The following ZC3H14 variants were observed in gnomAD, a reference collection of about 807,000 sequenced individuals.
ZC3H14 encodes the protein zinc finger CCCH-type containing 14.
Under a neutral mutation model 92.4 loss-of-function variants are expected in ZC3H14, and 31 were observed. The ratio of observed to expected loss-of-function variants is 0.34; its 90% CI spans 0.25 to 0.45. The LOEUF (loss-of-function observed/expected upper bound fraction) is 0.45, where lower values mean the gene tolerates loss of function less well. Ranked by LOEUF, ZC3H14 falls within the 20% of genes least tolerant of loss-of-function variation. ZC3H14 has a pLI of 1.00. For missense variants in ZC3H14, 781 were observed against 897.3 expected, an observed-to-expected ratio of 0.87 and a Z score of 1.66; for synonymous variants, 321 against 300.9, an observed-to-expected ratio of 1.07 and a Z score of -0.69.
At chr14:88,603,742 T>C (rs749306582) in intron 12 of ZC3H14, among the ~76,000 whole-genome samples, 8 of 152,228 alleles carry the variant, frequency 5.3e-5, no homozygotes, top group Non-Finnish European at 1.0e-4. Flanking sequence ...GCAGGAGGGA[T>C]AATTACTCAA....
At chr14:88,588,256 CT>C (rs1257070602) in intron 9 of ZC3H14, among the ~76,000 whole-genome samples, 1 of 152,198 alleles carries the variant, frequency 6.6e-6, no homozygotes, top group Non-Finnish European at 1.5e-5. Flanking sequence ...CCCTCCTCCC[CT>C]GAGTCGGCTC....
intron 1 of ZC3H14, 125 bp from the exon 2 acceptor site, chr14:88,563,526 T>C (rs2139411044): frequency 1.9e-6 from 3 of 1,574,872 alleles, no homozygotes; most frequent in Non-Finnish European, 2.6e-6. Context: ...GCGAGGCTCC[T>C]CCCAGCCCCC....
chr14:88,616,896 AAAG>A lies in ZC3H14; in HGVS notation c.*5148_*5150del, dbSNP rs892716897. 6.2e-7 allele frequency: 1 copy of A among 1,609,988 alleles called. No homozygotes were observed. Among genetic ancestry groups the A allele is most frequent in the Non-Finnish European group, 8.5e-7 (1 of 1,178,248 alleles). ...CCTAGAATACTAGAGGGAAGGAACA[AAAG>A]AAAACTCATCATGGCAAGTGCGGGC... On this transcript the variant is annotated 3_prime_UTR_variant, in exon 17 of 17. Transcript: ENST00000251038.
At position 88,617,200 on chromosome 14, in the gene ZC3H14, T is replaced by C. The variant is rs1595179175; in HGVS notation, c.*5449T>C. 1 of 178,050 alleles carries C rather than the reference T, an allele frequency of 5.6e-6. No individual in the cohort carries two copies. The highest frequency in any genetic ancestry group is 2.4e-5 in the African/African-American group (1 of 41,644). 11.0% of individuals were successfully genotyped at this position (178,050 alleles called of 1,614,324 possible). ...TTCGCTCTTGTTACCCAGGCTGGAG[T>C]GCAATGGCATGATCTCGGCTCACCG... On this transcript the variant is annotated 3_prime_UTR_variant, in exon 17 of 17. Transcript: ENST00000251038.
In ZC3H14 at chr14:88,599,464, GTTAC is replaced by G. The variant is rs565423743; in HGVS notation, c.1355-2454_1355-2451del. Among the ~76,000 whole-genome samples, 896 of 152,298 alleles carry G rather than the reference GTTAC, an allele frequency of 5.9e-3. 17 individuals are homozygous for G. Among genetic ancestry groups the G allele is most frequent in the African/African-American group, 0.021 (868 of 41,558 alleles). ...AGCCTGTGGTCTCTACTCAGAAGATGTTACTTACTCCCCCGTCTGTCTGGTCTCC... is the reference window on the plus strand; with the variant it reads ...AGCCTGTGGTCTCTACTCAGAAGATGTTACTCCCCCGTCTGTCTGGTCTCC... On this transcript the variant is annotated intron_variant, in intron 10 of 16. Coordinates refer to ENST00000251038, the MANE Select transcript of ZC3H14 (RefSeq NM_024824.5).
chr14:88,623,438 T>G lies in ZC3H14; in HGVS notation c.*11687T>G, dbSNP rs1221738852. 1 of 152,146 alleles carries G rather than the reference T, an allele frequency of 6.6e-6. No individual in the cohort carries two copies. Among genetic ancestry groups the G allele is most frequent in the African/African-American group, 2.4e-5 (1 of 41,426 alleles). The allele number at this position is 152,146 out of a possible 1,614,324, so 9.4% of individuals were successfully genotyped here. A position where few individuals can be genotyped will look rare whatever the true frequency, so the allele number is the denominator to read the frequency against. On this transcript the variant is annotated 3_prime_UTR_variant, in exon 17 of 17. Transcript: ENST00000251038. ...TACAGAGTTGATTTATTTATTTTTT[T>G]GAGACAGAGTGTCGCTCTGTCACCT...
rs191285373 is a variant in ZC3H14, at chr14:88,581,033, A to G, written c.1279+2893A>G. Reference sequence around the variant, plus strand: ...GTTATCTATATGCAGAAATTCAGAGACTCATTCCCATGAACTTTTCTTAGG... The same window carrying G: ...GTTATCTATATGCAGAAATTCAGAGGCTCATTCCCATGAACTTTTCTTAGG... On this transcript the variant is annotated intron_variant, in intron 9 of 16. Coordinates refer to ENST00000251038, the MANE Select transcript of ZC3H14 (RefSeq NM_024824.5). 1.8e-3 allele frequency among the ~76,000 whole-genome samples: 278 copies of G among 152,294 alleles called. 2 individuals are homozygous for G. Among genetic ancestry groups the G allele is most frequent in the Middle Eastern group, 0.014 (4 of 294 alleles).
At position 88,624,982 on chromosome 14, in the gene ZC3H14, C is replaced by G. The variant is rs879808823; in HGVS notation, c.*13231C>G. The G allele has an allele frequency of 6.2e-7, 1 of 1,613,310 alleles. No individual in the cohort carries two copies. Among genetic ancestry groups the G allele is most frequent in the Non-Finnish European group, 8.5e-7 (1 of 1,179,578 alleles). ...AAAGAGGACTCACGGCCTTTCCTTT[C>G]CCCCAGTCACGATAAGTCCATCTCG... On this transcript the variant is annotated 3_prime_UTR_variant, in exon 17 of 17. Coordinates refer to ENST00000251038, the MANE Select transcript of ZC3H14 (RefSeq NM_024824.5).
At chr14:88,572,283 A>G (rs1595527572) in intron 5 of ZC3H14, 58 bp downstream of exon 5, 4 of 1,566,412 alleles carry the variant, frequency 2.6e-6, no homozygotes, top group East Asian at 4.5e-5. Flanking sequence ...TGACATTTAT[A>G]TTAGTTTTTA....
chr14:88,581,646 A>T lies in ZC3H14; in HGVS notation c.1279+3506A>T, dbSNP rs144070884. ...GTCTGGGGCAGGAAATGTTAACATG[A>T]TCCTGGAATGGCTCAACATCCCAGA... On this transcript the variant is annotated intron_variant, in intron 9 of 16. Coordinates refer to ENST00000251038, the MANE Select transcript of ZC3H14 (RefSeq NM_024824.5). 2.0e-5 allele frequency among the ~76,000 whole-genome samples: 3 copies of T among 152,312 alleles called. No individual in the cohort carries two copies. In the East Asian group the frequency reaches 5.8e-4, roughly 29 times the overall value.
chr14:88,566,974 G>C (rs1284414495), intron 2 of ZC3H14, among the ~76,000 whole-genome samples: 1 of 151,532 alleles, frequency 6.6e-6, no homozygotes, highest in Non-Finnish European at 1.5e-5. Context: ...TCAGAGATTA[G>C]AGTTCCTGAT....
At chr14:88,592,452 A>G (rs191670126) in intron 9 of ZC3H14, 19 of 135,108 alleles carry the variant, frequency 1.4e-4, no homozygotes, top group East Asian at 6.6e-4. Context: ...TGTGACATCT[A>G]TTTGGGAAAC....
rs767998617 is a variant in ZC3H14 at position 88,622,657 on chromosome 14, T to C, written c.*10906T>C. 5 of 1,611,502 alleles carry C rather than the reference T, an allele frequency of 3.1e-6. No homozygotes were observed. In the African/African-American group the frequency reaches 4.0e-5, roughly 13 times the overall value. On this transcript the variant is annotated 3_prime_UTR_variant, in exon 17 of 17. Coordinates refer to ENST00000251038, the MANE Select transcript of ZC3H14 (RefSeq NM_024824.5). Reference sequence around the variant, plus strand: ...TCTGTGGCTTGTCCTGTCTCAAGCCTGAAGGCACGGCACCGCCTCAGTTCC... The same window carrying C: ...TCTGTGGCTTGTCCTGTCTCAAGCCCGAAGGCACGGCACCGCCTCAGTTCC...
Position 88,627,546 on chromosome 14 carries a change from T to C in ZC3H14, c.*15795T>C, listed in dbSNP as rs1418108865. The C allele has an allele frequency of 5.8e-5, 72 of 1,238,494 alleles. No homozygotes were observed. The highest frequency in any genetic ancestry group is 7.5e-5 in the Non-Finnish European group (68 of 908,212). 76.7% of individuals were successfully genotyped at this position (1,238,494 alleles called of 1,614,324 possible). ...TATTGCATAGGCCTCCACTGAATGATTGTTTCAACCACCAACTTTAAGACA... is the reference window on the plus strand; with the variant it reads ...TATTGCATAGGCCTCCACTGAATGACTGTTTCAACCACCAACTTTAAGACA... On this transcript the variant is annotated 3_prime_UTR_variant, in exon 17 of 17. Transcript: ENST00000251038.
chr14:88,573,068 A>G lies in ZC3H14; in HGVS notation c.861+61A>G, dbSNP rs867268382. ...AAATCGGCAGTTCTTGATACCAAATAATATATGAAGTAACTAAACACATAT... is the reference window on the plus strand; with the variant it reads ...AAATCGGCAGTTCTTGATACCAAATGATATATGAAGTAACTAAACACATAT... On this transcript the variant is annotated intron_variant, in intron 6 of 16. Transcript: ENST00000251038. 8 of 1,568,754 alleles carry G rather than the reference A, an allele frequency of 5.1e-6. No individual in the cohort carries two copies. In the African/African-American group the frequency reaches 8.1e-5, roughly 16 times the overall value.
chr14:88,622,232 G>C lies in ZC3H14; in HGVS notation c.*10481G>C, dbSNP rs1159030683. Reference sequence around the variant, plus strand: ...TTTCATTATTTTTTATGGCTGAGTAGTATTTCATTGTTTGTTTACTGCACG... The same window carrying C: ...TTTCATTATTTTTTATGGCTGAGTACTATTTCATTGTTTGTTTACTGCACG... On this transcript the variant is annotated 3_prime_UTR_variant, in exon 17 of 17. Coordinates refer to ENST00000251038, the MANE Select transcript of ZC3H14 (RefSeq NM_024824.5). The C allele has an allele frequency of 5.7e-6, 1 of 175,138 alleles. No homozygotes were observed. Among genetic ancestry groups the C allele is most frequent in the Non-Finnish European group, 1.2e-5 (1 of 82,032 alleles). The allele number at this position is 175,138 out of a possible 1,614,324, so 10.8% of individuals were successfully genotyped here.
chr14:88,588,263 G>A (rs572390162), intron 9 of ZC3H14, among the ~76,000 whole-genome samples: 52 of 152,198 alleles, frequency 3.4e-4, no homozygotes, highest in African/African-American at 1.2e-3. Flanking sequence ...CCCCTGAGTC[G>A]GCTCTGCAAT....
rs1355725732 is a variant in ZC3H14, at chr14:88,624,157, C to G, written c.*12406C>G. The G allele has an allele frequency of 6.6e-6, 1 of 152,210 alleles. No individual in the cohort carries two copies. The highest frequency in any genetic ancestry group is 2.4e-5 in the African/African-American group (1 of 41,416). The allele number at this position is 152,210 out of a possible 1,614,324, so 9.4% of individuals were successfully genotyped here. ...GTGGCACCATCACAGCTCACTAAAG[C>G]CTTGACCTCCCCAGGCTCAAGTGAT... On this transcript the variant is annotated 3_prime_UTR_variant, in exon 17 of 17. Coordinates refer to ENST00000251038, the MANE Select transcript of ZC3H14 (RefSeq NM_024824.5).
chr14:88,572,994 AAATG>A lies in ZC3H14; in HGVS notation c.850_853del (p.Met284ValfsTer15). ...CCGTTCTTTAGAAACAACTCGGAGAAAATGAGTATGGAGGTTTGTATGTACTTTT... is the reference window on the plus strand; with the variant it reads ...CCGTTCTTTAGAAACAACTCGGAGAAAGTATGGAGGTTTGTATGTACTTTT... On this transcript the variant is annotated frameshift_variant, in exon 6 of 17. Coordinates refer to ENST00000251038, the MANE Select transcript of ZC3H14 (RefSeq NM_024824.5). LOFTEE classifies it high-confidence loss of function. The A allele has an allele frequency of 1.2e-6, 2 of 1,614,048 alleles. No homozygotes were observed.
Sources: allele counts gnomAD v4.1 joint callset (sites outside exome capture counted in the v4.1 genomes callset), GRCh38; gene constraint gnomAD v4.1.1; transcripts MANE v1.5; gene names NCBI Gene and HGNC (gene_info 2026-07-23, HGNC 2026-07-21).